Variants in ZNF521 observed in about 807,000 individuals in gnomAD.
ZNF521 encodes the protein LYST-interacting protein 3.
A neutral mutation model predicts 105.5 loss-of-function variants in ZNF521; 14 were observed. The ratio of observed to expected loss-of-function variants is 0.13; its 90% CI spans 0.09 to 0.21. ZNF521 has a LOEUF of 0.21. Among genes scored for constraint, ZNF521 ranks in the 10% least tolerant of loss-of-function variants. The probability of loss-of-function intolerance (pLI) is 1.00; values close to 1 mark genes in which losing one functional copy is unlikely to be tolerated. For synonymous variants in ZNF521, 635 were observed against 606.0 expected (o/e 1.05, Z -0.70); for missense variants, 1,233 against 1,629.7 (o/e 0.76, Z 4.19).
chr18:25,279,393 T>C (rs1220808890), intron 3 of ZNF521, among the ~76,000 whole-genome samples: 1 of 152,230 alleles, frequency 6.6e-6, no homozygotes, highest in Non-Finnish European at 1.5e-5. Flanking sequence ...GTATTTATTT[T>C]TGACAAAGCT....
chr18:25,231,244 G>A (rs1906508200), intron 3 of ZNF521, among the ~76,000 whole-genome samples: 1 of 152,162 alleles, frequency 6.6e-6, no homozygotes, highest in Non-Finnish European at 1.5e-5. Flanking sequence ...GCCATATCCT[G>A]CAAGGAAGAC....
At chr18:25,202,214 A>T (rs1600148794) in intron 4 of ZNF521, 1 of 152,342 alleles carries the variant, frequency 6.6e-6, no homozygotes, top group East Asian at 1.9e-4. Context: ...TTTAAAAATT[A>T]GTTGGCCCTC....
intron 5 of ZNF521, among the ~76,000 whole-genome samples, chr18:25,180,483 C>G (rs1399271216): frequency 6.6e-6 from 1 of 151,474 alleles, no homozygotes; most frequent in African/African-American, 2.4e-5. Flanking sequence ...ACAATTTGCT[C>G]CTTCTAAAGT....
chr18:25,333,469 G>C (rs866003678), intron 2 of ZNF521, among the ~76,000 whole-genome samples: 2 of 152,006 alleles, frequency 1.3e-5, no homozygotes, highest in Non-Finnish European at 2.9e-5. Flanking sequence ...GTTGCTGTTT[G>C]TATTTTTTTA....
intron 3 of ZNF521, among the ~76,000 whole-genome samples, chr18:25,320,595 G>T (rs1476185651): frequency 6.6e-6 from 1 of 152,136 alleles, no homozygotes; most frequent in Non-Finnish European, 1.5e-5. Flanking sequence ...TCTCTCAAAT[G>T]ATTAAGAAAG....
At chr18:25,285,959 G>T (rs760767688) in intron 3 of ZNF521, among the ~76,000 whole-genome samples, 1 of 152,212 alleles carries the variant, frequency 6.6e-6, no homozygotes, top group Non-Finnish European at 1.5e-5. Flanking sequence ...ATCAAAGGCC[G>T]ATATTAAATC....
Position 25,212,685 on chromosome 18 carries a change from G to A in ZNF521, c.3573+11660C>T, listed in dbSNP as rs574886435. Among the ~76,000 whole-genome samples, 148 of 149,812 alleles carry A rather than the reference G, an allele frequency of 9.9e-4. 1 individual carries two copies. Among genetic ancestry groups the A allele is most frequent in the African/African-American group, 3.5e-3 (144 of 40,878 alleles). ...TATTGAGTCTTCCTATAACTTCCAC[G>A]AACAAGTTATATCTGATCATTTATT... On this transcript the variant is annotated intron_variant, in intron 4 of 7. Coordinates refer to ENST00000361524, the MANE Select transcript of ZNF521 (RefSeq NM_015461.3).
rs1907663105 is a variant in ZNF521, at chr18:25,245,743, TG to T, written c.221-18047del. ...AATGCTTGTGCTCTGCTGGGCGTGGTGGCTCACACCTGTAATCTCAGCACTT... is the reference window on the plus strand; with the variant it reads ...AATGCTTGTGCTCTGCTGGGCGTGGTGCTCACACCTGTAATCTCAGCACTT... On this transcript the variant is annotated intron_variant, in intron 3 of 7. Transcript: ENST00000361524. Among the ~76,000 whole-genome samples, 2 of 152,206 alleles carry T rather than the reference TG, an allele frequency of 1.3e-5. 1 individual carries two copies. The highest frequency in any genetic ancestry group is 4.1e-4 in the South Asian group (2 of 4,822).
intron 5 of ZNF521, among the ~76,000 whole-genome samples, chr18:25,121,111 A>ATTTTTTTTTTTTTTTT (rs5823467): frequency 8.4e-6 from 1 of 118,678 alleles, no homozygotes; most frequent in Admixed American, 9.9e-5. Flanking sequence ...AAGAAGGAGT[A>ATTTTTTTTTTTTTTTT]TTTTTTTTTT....
chr18:25,108,011 T>C (rs913985880), intron 5 of ZNF521, among the ~76,000 whole-genome samples: 1 of 152,240 alleles, frequency 6.6e-6, no homozygotes, highest in Non-Finnish European at 1.5e-5. Flanking sequence ...TCACAAGGCT[T>C]GTGCCTTCTC....
At position 25,226,635 on chromosome 18, in the gene ZNF521, A is replaced by G. The variant is rs369880724; in HGVS notation, c.1283T>C (p.Met428Thr). 6 of 1,614,074 alleles carry G rather than the reference A, an allele frequency of 3.7e-6. No homozygotes were observed. Among genetic ancestry groups the G allele is most frequent in the Non-Finnish European group, 5.1e-6 (6 of 1,180,038 alleles). ...GGCCTGTTCTGGCTTATCTAAGTGC[A>G]TAGTTTTCAGGTGAATCTGCAGAAC... ...LAVLQIHLKTMHLDKPEQAHI... is the reference protein window; with the variant it reads ...LAVLQIHLKTTHLDKPEQAHI... Residue 428 changes from methionine (M) to threonine (T), a missense_variant, in exon 4 of 8, where the codon ATG becomes ACG. Met to Thr is a moderately conservative substitution (Grantham distance 81). Transcript: ENST00000361524. This position sits in a 1 kb window ranked among gnomAD's most constrained non-coding sequence, Gnocchi z 4.1.
chr18:25,323,451 A>G (rs1361012179), intron 2 of ZNF521, among the ~76,000 whole-genome samples: 1 of 151,980 alleles, frequency 6.6e-6, no homozygotes, highest in Non-Finnish European at 1.5e-5. Context: ...TGCTTTTTAG[A>G]GATGGGTCTT....
At position 25,225,960 on chromosome 18, in the gene ZNF521, A is replaced by G; in HGVS notation, c.1958T>C (p.Leu653Pro). 6.2e-7 allele frequency: 1 copy of G among 1,613,956 alleles called. No individual in the cohort carries two copies. Among genetic ancestry groups the G allele is most frequent in the Non-Finnish European group, 8.5e-7 (1 of 1,180,028 alleles). The change falls in exon 4 of 8, where the codon CTA (leucine) becomes CCA (proline). Residue 653 changes from leucine (L) to proline (P), a missense_variant. Transcript: ENST00000361524. The surrounding 1 kb of genome is among the most constrained non-coding windows in gnomAD (Gnocchi z 5.6). ...YTSLDSFQTH[L>P]KTHLDTVLPK... ...AAGCACAGTGTCGAGATGAGTTTTT[A>G]GGTGAGTCTGAAAGCTGTCTAGGGA...
At chr18:25,334,292 G>C (rs1913752088) in intron 2 of ZNF521, among the ~76,000 whole-genome samples, 1 of 151,538 alleles carries the variant, frequency 6.6e-6, no homozygotes, top group Non-Finnish European at 1.5e-5. Context: ...AAGTCAAAAG[G>C]AACATCAGAG....
intron 5 of ZNF521, among the ~76,000 whole-genome samples, chr18:25,107,640 T>G (rs2034099863): frequency 6.6e-6 from 1 of 152,208 alleles, no homozygotes; most frequent in African/African-American, 2.4e-5. Flanking sequence ...AACCTGAGTG[T>G]ACATAGAGGC....
At chr18:25,062,910 T>C (rs988953315) in intron 7 of ZNF521, among the ~76,000 whole-genome samples, 169 bp from the exon 8 acceptor site, 3 of 152,042 alleles carry the variant, frequency 2.0e-5, no homozygotes, top group Non-Finnish European at 4.4e-5. Context: ...ATAGTGCTCA[T>C]GGGTGCCCTC....
intron 5 of ZNF521, among the ~76,000 whole-genome samples, chr18:25,105,530 A>T (rs1421213831): frequency 6.6e-6 from 1 of 152,174 alleles, no homozygotes; most frequent in Non-Finnish European, 1.5e-5. Flanking sequence ...ATCTCTGAGG[A>T]TGATTATAAA....
At chr18:25,185,150 G>A (rs533541501) in intron 5 of ZNF521, among the ~76,000 whole-genome samples, 4 of 152,180 alleles carry the variant, frequency 2.6e-5, no homozygotes, top group African/African-American at 9.6e-5. Context: ...AAACCTCTTT[G>A]GGGAAAGGGA....
intron 5 of ZNF521, among the ~76,000 whole-genome samples, chr18:25,114,986 T>C (rs945236590): frequency 6.6e-6 from 1 of 152,204 alleles, no homozygotes; most frequent in Non-Finnish European, 1.5e-5. Context: ...CCTATGAATA[T>C]TGTTTTCCTT....
Sources: gnomAD v4.1 joint callset for allele counts (sites outside exome capture counted in the v4.1 genomes callset) on GRCh38, gnomAD v4.1.1 for gene constraint, Gnocchi (gnomAD v3.1) non-coding constraint, MANE v1.5 for transcripts, NCBI Gene and HGNC (gene_info 2026-07-23, HGNC 2026-07-21) for gene names.